SNED1: variants seen among roughly 807,000 people sequenced by gnomAD.
SNED1 encodes sushi, nidogen and EGF-like domain-containing protein 1.
Under a neutral mutation model 166.7 loss-of-function variants are expected in SNED1, and 81 were observed. The observed-to-expected ratio is 0.49, with a 90% confidence interval of 0.41 to 0.58. SNED1 has a LOEUF of 0.58. SNED1 is among the 20% of genes least tolerant of loss of function. The pLI is 0.00. For synonymous variants in SNED1, 762 were observed against 822.0 expected, an observed-to-expected ratio of 0.93 and a Z score of 1.25; for missense variants, 1,604 against 2,000.2, an observed-to-expected ratio of 0.80 and a Z score of 3.78.
chr2:241,065,508 G>A lies in SNED1; in HGVS notation c.2923G>A (p.Ala975Thr), dbSNP rs369656990. ...HQLQALAAGR[A>T]YNISVFSVKR... The stretch of plus-strand genomic sequence containing the variant: ...GCTCCAGGCCCTGGCGGCCGGCAGG[G>A]CCTACAACATCTCCGTCTTCTCAGT... The change falls in exon 21 of 32, where the codon GCC (alanine) becomes ACC (threonine). Residue 975 changes from alanine (A) to threonine (T), a missense_variant. This residue lies in a region of SNED1 where 1,237 missense variants were observed against 1,620.8 expected (regional missense o/e 0.76). Transcript: ENST00000310397. 1 of 1,612,792 alleles carries A rather than the reference G, an allele frequency of 6.2e-7. No homozygotes were observed. Among genetic ancestry groups the A allele is most frequent in the Admixed American group, 1.7e-5 (1 of 59,992 alleles).
intron 16 of SNED1, among the ~76,000 whole-genome samples, chr2:241,053,785 C>G (rs1359527709): frequency 6.6e-6 from 1 of 152,212 alleles, no homozygotes; most frequent in Non-Finnish European, 1.5e-5. Flanking sequence ...GAGGTCCCAC[C>G]CCTGTCTGGC....
Position 241,093,383 on chromosome 2 carries a change from C to T in SNED1, c.*1747C>T, listed in dbSNP as rs1357983744. The T allele has an allele frequency of 1.3e-5, 2 of 152,702 alleles. No individual in the cohort carries two copies. Among genetic ancestry groups the T allele is most frequent in the Admixed American group, 1.3e-4 (2 of 15,292 alleles). The allele number at this position is 152,702 out of a possible 1,614,324, so 9.5% of individuals were successfully genotyped here. On this transcript the variant is annotated 3_prime_UTR_variant, in exon 32 of 32. Coordinates refer to ENST00000310397, the MANE Select transcript of SNED1 (RefSeq NM_001080437.3). ...AAAGTAGGTGAATCCTACTAGGAAA[C>T]TTTCTACTCCCTACTAGGACCTCAA...
At chr2:240,998,307 C>G (rs1025499880), upstream of SNED1, among the ~76,000 whole-genome samples, 4 of 152,258 alleles carry the variant, frequency 2.6e-5, no homozygotes, top group African/African-American at 9.6e-5. Context: ...TCCCGCCCCC[C>G]GCGTGATGAC....
intron 20 of SNED1, among the ~76,000 whole-genome samples, 163 bp from the exon 21 acceptor site, chr2:241,065,136 G>A (rs941659322): frequency 1.3e-5 from 2 of 152,104 alleles, no homozygotes; most frequent in Non-Finnish European, 2.9e-5. Flanking sequence ...ATTCAAAAGT[G>A]TGACCCTCCT....
chr2:241,070,334 G>A, intron 24 of SNED1, 133 bp downstream of exon 24: 2 of 970,184 alleles, frequency 2.1e-6, no homozygotes, highest in Non-Finnish European at 1.5e-6. Flanking sequence ...TGTTAGCAGG[G>A]GAGGAGTCTG....
rs2064172076 is a variant in SNED1 at position 241,093,408 on chromosome 2, A to T, written c.*1772A>T. On this transcript the variant is annotated 3_prime_UTR_variant, in exon 32 of 32. Coordinates refer to ENST00000310397, the MANE Select transcript of SNED1 (RefSeq NM_001080437.3). Reference sequence around the variant, plus strand: ...CTTTCTACTCCCTACTAGGACCTCAAGCCCCTCAGCCACACAGCAAATGCT... The same window carrying T: ...CTTTCTACTCCCTACTAGGACCTCATGCCCCTCAGCCACACAGCAAATGCT... The T allele has an allele frequency of 6.5e-6, 1 of 152,684 alleles. No individual in the cohort carries two copies. The highest frequency in any genetic ancestry group is 1.5e-5 in the Non-Finnish European group (1 of 68,052). 9.5% of individuals were successfully genotyped at this position (152,684 alleles called of 1,614,324 possible).
Position 241,028,710 on chromosome 2 carries a change from G to A in SNED1, c.214-1574G>A, listed in dbSNP as rs535547397. Among the ~76,000 whole-genome samples, 25 of 152,326 alleles carry A rather than the reference G, an allele frequency of 1.6e-4. No individual in the cohort carries two copies. The South Asian group carries it at 4.3e-3, about 26-fold the overall frequency. ...TTGTAGTAAGTTTTGAAATCTGGAA[G>A]TGTAAGTCCTCCAATATTGTACTTC... On this transcript the variant is annotated intron_variant, in intron 1 of 31. Coordinates refer to ENST00000310397, the MANE Select transcript of SNED1 (RefSeq NM_001080437.3).
intron 4 of SNED1, among the ~76,000 whole-genome samples, chr2:241,036,091 A>C: frequency 9.8e-5 from 1 of 10,200 alleles, no homozygotes; most frequent in South Asian, 3.3e-3. Context: ...GAGGCGCATC[A>C]CGGGGTGGGG....
At chr2:241,014,820 C>T (rs1436407669) in intron 1 of SNED1, among the ~76,000 whole-genome samples, 1 of 152,162 alleles carries the variant, frequency 6.6e-6, no homozygotes, top group South Asian at 2.1e-4. Context: ...GTCTCTAATA[C>T]ACCTGGAGGT....
At chr2:241,032,672 T>C (rs1224628465) in intron 2 of SNED1, among the ~76,000 whole-genome samples, 1 of 152,242 alleles carries the variant, frequency 6.6e-6, no homozygotes, top group Non-Finnish European at 1.5e-5. Context: ...CTGGTTTCCT[T>C]GCACCCCAGC....
intron 1 of SNED1, among the ~76,000 whole-genome samples, chr2:241,019,726 G>A (rs1055975512): frequency 1.3e-5 from 2 of 152,186 alleles, no homozygotes; most frequent in East Asian, 1.9e-4. Context: ...GCACCTGCAC[G>A]AGCGGCCCAG....
At chr2:241,088,783 A>C in intron 31 of SNED1, 1 of 262,994 alleles carries the variant, frequency 3.8e-6, no homozygotes, top group Non-Finnish European at 7.2e-6. Context: ...AGGAGGGGCC[A>C]CGGGCAGCGG....
chr2:241,002,936 C>T (rs1041499721), intron 1 of SNED1, among the ~76,000 whole-genome samples: 2 of 151,970 alleles, frequency 1.3e-5, no homozygotes, highest in African/African-American at 4.8e-5. Context: ...GGACCACTTC[C>T]CAGCTGTCCA....
rs563380635 is a variant in SNED1 at position 241,014,142 on chromosome 2, A to G, written c.213+15092A>G. 3.3e-5 allele frequency among the ~76,000 whole-genome samples: 5 copies of G among 152,016 alleles called. No individual in the cohort carries two copies. In the East Asian group the frequency reaches 5.8e-4, roughly 18 times the overall value. ...TTGTGCCTCAGCCTCCCAAGTAGCT[A>G]GGATTACAACTGCATGCCACCATGC... On this transcript the variant is annotated intron_variant, in intron 1 of 31. Coordinates refer to ENST00000310397, the MANE Select transcript of SNED1 (RefSeq NM_001080437.3).
At chr2:241,081,401 T>C (rs2302043) in intron 27 of SNED1, among the ~76,000 whole-genome samples, 11,028 of 152,106 alleles carry the variant, frequency 0.073, 527 homozygotes, top group East Asian at 0.21. Context: ...CCCTCCTCCT[T>C]CTCCTCCTCC....
intron 1 of SNED1, among the ~76,000 whole-genome samples, chr2:241,027,796 C>T (rs977097931): frequency 4.7e-5 from 7 of 150,432 alleles, no homozygotes; most frequent in East Asian, 2.0e-4. Context: ...TGCAGTGGCA[C>T]GATCTCGGCT....
At chr2:241,048,259 G>A (rs2061718924) in intron 8 of SNED1, 56 bp from the exon 9 acceptor site, 2 of 1,517,926 alleles carry the variant, frequency 1.3e-6, no homozygotes. Context: ...TGGGCGGGGA[G>A]ACCACTCTCC....
At chr2:241,007,667 C>G (rs1189139994) in intron 1 of SNED1, among the ~76,000 whole-genome samples, 3 of 152,174 alleles carry the variant, frequency 2.0e-5, no homozygotes, top group Admixed American at 2.0e-4. Flanking sequence ...TAGGGTTTTA[C>G]AAAACAGACT....
chr2:241,079,548 TGAG>T (rs535689103), intron 27 of SNED1, among the ~76,000 whole-genome samples: 50 of 152,190 alleles, frequency 3.3e-4, no homozygotes, highest in African/African-American at 1.1e-3. Context: ...GTTCACTAAA[TGAG>T]GAGGGAAAGA....
Sources: allele counts gnomAD v4.1 joint callset (sites outside exome capture counted in the v4.1 genomes callset), GRCh38; gene constraint gnomAD v4.1.1; regional missense constraint gnomAD v4.1.1; transcripts MANE v1.5; gene names NCBI Gene and HGNC (gene_info 2026-07-23, HGNC 2026-07-21).